PKMYT1: variants seen among roughly 807,000 people sequenced by gnomAD.
The protein encoded by PKMYT1 is membrane-associated tyrosine- and threonine-specific cdc2-inhibitory kinase.
In PKMYT1, 35 loss-of-function variants were observed where a neutral mutation model predicts 49.7. That is an observed-to-expected ratio of 0.70 (90% confidence interval 0.54 to 0.93). The LOEUF (loss-of-function observed/expected upper bound fraction) is 0.93. Ranked by LOEUF, PKMYT1 falls within the 40% of genes least tolerant of loss-of-function variation. The pLI is 0.00. For missense variants in PKMYT1, 677 were observed against 673.1 expected (o/e 1.01, Z -0.06); for synonymous variants, 331 against 287.6 (o/e 1.15, Z -1.53).
Position 2,973,017 on chromosome 16 carries a change from G to A in PKMYT1, c.1436C>T (p.Ser479Phe). Residue 479 changes from serine to phenylalanine, a missense_variant, in exon 9 of 9, where the codon TCC becomes TTC. By Grantham distance (155) the Ser-to-Phe change is radical (BLOSUM62 -2). Transcript: ENST00000262300. The part of the protein sequence containing the change: ...SDINSEPPRG[S>F]FPSFEPRNLL... ...GTTCCGAGGCTCAAAGGAGGGGAAGGAGCCCCGAGGAGGCTCTGAGTTGAT... is the reference window on the plus strand; with the variant it reads ...GTTCCGAGGCTCAAAGGAGGGGAAGAAGCCCCGAGGAGGCTCTGAGTTGAT... 6.2e-7 allele frequency: 1 copy of A among 1,610,092 alleles called. No homozygotes were observed. Among genetic ancestry groups the A allele is most frequent in the Non-Finnish European group, 8.5e-7 (1 of 1,179,082 alleles).
At chr16:2,976,349 G>C (rs1051456319) in intron 3 of PKMYT1, among the ~76,000 whole-genome samples, 28 of 152,110 alleles carry the variant, frequency 1.8e-4, no homozygotes, top group Non-Finnish European at 2.9e-5. Flanking sequence ...CAGGGCCAGT[G>C]CCAGAGGCTG....
intron 2 of PKMYT1, chr16:2,979,384 T>C: frequency 2.2e-6 from 1 of 456,022 alleles, no homozygotes; most frequent in Non-Finnish European, 3.9e-6. Context: ...CAGTCTCCAG[T>C]ACCTGAGGGA....
At chr16:2,974,680 G>A (rs760436117) in intron 4 of PKMYT1, 24 bp from the exon 5 acceptor site, 7 of 1,493,374 alleles carry the variant, frequency 4.7e-6, no homozygotes, top group Non-Finnish European at 6.4e-6. Context: ...GATGGGGACA[G>A]AAAGGGGCAG....
chr16:2,979,404 T>A (rs2072283996), intron 2 of PKMYT1: 1 of 553,050 alleles, frequency 1.8e-6, no homozygotes, highest in Non-Finnish European at 3.2e-6. Flanking sequence ...AGTACAGGGG[T>A]GAGGGGAGCG....
rs1361857718 is a variant in PKMYT1 at position 2,976,257 on chromosome 16, CTG to C, written c.378+405_378+406del. 2.6e-5 allele frequency among the ~76,000 whole-genome samples: 4 copies of C among 152,328 alleles called. No individual in the cohort carries two copies. The South Asian group carries it at 6.2e-4, about 24-fold the overall frequency. On this transcript the variant is annotated intron_variant, in intron 3 of 8. Transcript: ENST00000262300. ...AAAAGAAAATATAAATGACTGGAAA[CTG>C]TGTTTAAGAAAAGCAAGATGGCAGG... is the stretch of plus-strand genomic sequence containing the variant.
chr16:2,979,580 G>T, intron 2 of PKMYT1, 68 bp downstream of exon 2: 1 of 1,312,708 alleles, frequency 7.6e-7, no homozygotes, highest in Non-Finnish European at 1.1e-6. Flanking sequence ...CCCAACCCTG[G>T]CACACTCGGG....
At chr16:2,978,042 G>T (rs2072246219) in intron 2 of PKMYT1, among the ~76,000 whole-genome samples, 1 of 152,178 alleles carries the variant, frequency 6.6e-6, no homozygotes, top group African/African-American at 2.4e-5. Flanking sequence ...AACCAAGAAG[G>T]CCAGAGGCTC....
Position 2,979,770 on chromosome 16 carries a change from C to T in PKMYT1, c.-113G>A. On this transcript the variant is annotated 5_prime_UTR_variant, in exon 2 of 9. Transcript: ENST00000262300. ...GGCCAGGCGGGGGTGACCTCCGCAG[C>T]TTCCGGGGCCCTGGGCGATCGGGCC... 1 of 1,321,064 alleles carries T rather than the reference C, an allele frequency of 7.6e-7. No homozygotes were observed. The highest frequency in any genetic ancestry group is 1.1e-6 in the Non-Finnish European group (1 of 931,452). 81.8% of individuals were successfully genotyped at this position (1,321,064 alleles called of 1,614,324 possible).
At position 2,976,672 on chromosome 16, in the gene PKMYT1, C is replaced by G; in HGVS notation, c.370G>C (p.Val124Leu). Residue 124 changes from valine (V) to leucine (L), a missense_variant, in exon 3 of 9, where the codon GTC becomes CTC. Val to Leu is a conservative substitution (Grantham distance 32). Coordinates refer to ENST00000262300, the MANE Select transcript of PKMYT1 (RefSeq NM_004203.5). ...GCCGTCCCCTCACTCACCTTGAAGA[C>G]CTCTCCGTAGGAGCCATGGCCCAGG... ...SRLGHGSYGE[V>L]FKVRSKEDGR... 1 of 1,471,444 alleles carries G rather than the reference C, an allele frequency of 6.8e-7. No homozygotes were observed. Among genetic ancestry groups the G allele is most frequent in the Non-Finnish European group, 9.0e-7 (1 of 1,107,804 alleles). The allele number at this position is 1,471,444 out of a possible 1,614,324, so 91.1% of individuals were successfully genotyped here.
intron 1 of PKMYT1, 51 bp downstream of exon 1, chr16:2,980,235 G>A (rs2072306324): frequency 6.5e-6 from 1 of 154,328 alleles, no homozygotes; most frequent in South Asian, 1.8e-4. Flanking sequence ...AGGCGGAGGG[G>A]AGCGGCGAGG....
chr16:2,974,857 CTG>C, intron 4 of PKMYT1: 1 of 588,202 alleles, frequency 1.7e-6, no homozygotes, highest in East Asian at 2.8e-5. Flanking sequence ...AATATGGGCT[CTG>C]TGCCCAGGGA....
At position 2,979,969 on chromosome 16, in the gene PKMYT1, A is replaced by G. The variant is rs2072297762; in HGVS notation, c.-255-57T>C. ...GAGGGAAGAGGGGCTGTTGCAGAAG[A>G]AGAGAGGCTGTCCCGGGGCAGGGGC... On this transcript the variant is annotated intron_variant, in intron 1 of 8. Transcript: ENST00000262300. The G allele has an allele frequency of 1.3e-5, 6 of 447,586 alleles. No individual in the cohort carries two copies. The South Asian group carries it at 1.6e-4, about 12-fold the overall frequency. 27.7% of individuals were successfully genotyped at this position (447,586 alleles called of 1,614,324 possible).
chr16:2,976,605 A>T, intron 3 of PKMYT1, 59 bp downstream of exon 3: 1 of 1,405,664 alleles, frequency 7.1e-7, no homozygotes, highest in African/African-American at 1.4e-5. Context: ...CTGCCAAGGG[A>T]GGTGCAGAAA....
chr16:2,973,480 T>C (rs1389261362), intron 7 of PKMYT1: 2 of 1,481,766 alleles, frequency 1.3e-6, no homozygotes, highest in Middle Eastern at 1.7e-4. Flanking sequence ...TTTTAGTAAA[T>C]GTAAGCCTTT....
At position 2,975,311 on chromosome 16, in the gene PKMYT1, G is replaced by A. The variant is rs377644345; in HGVS notation, c.872+8C>T. Reference sequence around the variant, plus strand: ...CCTGCCAAACACCTGGCGTGCCCCGGTCCCCACCTGAACACATCCGCTGCT... The same window carrying A: ...CCTGCCAAACACCTGGCGTGCCCCGATCCCCACCTGAACACATCCGCTGCT... On this transcript the variant is annotated splice_region_variant and intron_variant, in intron 4 of 8. Coordinates refer to ENST00000262300, the MANE Select transcript of PKMYT1 (RefSeq NM_004203.5). 3.7e-6 allele frequency: 6 copies of A among 1,602,688 alleles called. No individual in the cohort carries two copies. The African/African-American group carries it at 8.0e-5, about 21-fold the overall frequency.
Position 2,979,773 on chromosome 16 carries a change from C to T in PKMYT1, c.-116G>A. 7.6e-7 allele frequency: 1 copy of T among 1,315,356 alleles called. No individual in the cohort carries two copies. The highest frequency in any genetic ancestry group is 1.1e-6 in the Non-Finnish European group (1 of 927,298). 81.5% of individuals were successfully genotyped at this position (1,315,356 alleles called of 1,614,324 possible). A position where few individuals can be genotyped will look rare whatever the true frequency, so the allele number is the denominator to read the frequency against. On this transcript the variant is annotated 5_prime_UTR_variant, in exon 2 of 9. Transcript: ENST00000262300. ...CAGGCGGGGGTGACCTCCGCAGCTT[C>T]CGGGGCCCTGGGCGATCGGGCCGTC...
rs375658555 is a variant in PKMYT1, at chr16:2,977,104, A to T, written c.11-73T>A. 8.2e-6 allele frequency: 13 copies of T among 1,576,012 alleles called. No individual in the cohort carries two copies. The African/African-American group carries it at 1.7e-4, about 21-fold the overall frequency. On this transcript the variant is annotated intron_variant, in intron 2 of 8. Transcript: ENST00000262300. ...ATACCACCTGGCCCTGTGGCTCCAA[A>T]GAGGCCACAGAAGAGAGCTATGTCT... is the stretch of plus-strand genomic sequence containing the variant.
At position 2,976,833 on chromosome 16, in the gene PKMYT1, CGAG is replaced by C; in HGVS notation, c.206_208del (p.Pro69del). On this transcript the variant is annotated inframe_deletion, in exon 3 of 9. Transcript: ENST00000262300. ...CTGCAGCTGGTGCCAGCCTGGGGTC[CGAG>C]GAGGGAAGAGGCGGCTGATGGGAAT... is the stretch of plus-strand genomic sequence containing the variant. 6.4e-7 allele frequency: 1 copy of C among 1,559,760 alleles called. No individual in the cohort carries two copies. Among genetic ancestry groups the C allele is most frequent in the Non-Finnish European group, 8.7e-7 (1 of 1,151,616 alleles).
chr16:2,977,380 A>T, intron 2 of PKMYT1: 2 of 985,122 alleles, frequency 2.0e-6, no homozygotes, highest in Admixed American at 7.0e-5. Flanking sequence ...TTGATCCTAA[A>T]CTACACAACC....
Sources: allele counts gnomAD v4.1 joint callset (sites outside exome capture counted in the v4.1 genomes callset), GRCh38; gene constraint gnomAD v4.1.1; transcripts MANE v1.5; gene names NCBI Gene and HGNC (gene_info 2026-07-23, HGNC 2026-07-21).